Variants in RYR2 observed in about 807,000 individuals in gnomAD.
RYR2 encodes ryanodine receptor 2, also known as cardiac muscle ryanodine receptor-calcium release channel.
Under a neutral mutation model 601.1 loss-of-function variants are expected in RYR2, and 227 were observed. The observed-to-expected ratio is 0.38, with a 90% confidence interval of 0.34 to 0.42. RYR2 has a LOEUF of 0.42. Among genes scored for constraint, RYR2 ranks in the 10% least tolerant of loss-of-function variants. The pLI is 1.00. For synonymous variants in RYR2, 2,223 were observed against 2,175.1 expected (o/e 1.02, Z -0.61); for missense variants, 4,646 against 6,156.5 (o/e 0.75, Z 8.21).
chr1:237,375,546 T>TA (rs1441915464), intron 7 of RYR2, among the ~76,000 whole-genome samples: 3 of 152,154 alleles, frequency 2.0e-5, no homozygotes, highest in African/African-American at 7.2e-5. Flanking sequence ...CTCCCCCTCT[T>TA]AAAAGTATTT....
intron 49 of RYR2, 44 bp downstream of exon 49, chr1:237,648,657 T>C: frequency 3.8e-6 from 6 of 1,572,582 alleles, no homozygotes; most frequent in Non-Finnish European, 5.2e-6. Flanking sequence ...GACTCTTCAC[T>C]CTGTGCCTTA....
At chr1:237,404,408 T>C (rs998132287) in intron 10 of RYR2, among the ~76,000 whole-genome samples, 1 of 152,200 alleles carries the variant, frequency 6.6e-6, no homozygotes, top group Non-Finnish European at 1.5e-5. Flanking sequence ...AGAATACATA[T>C]TGTAATCTGT....
At chr1:237,788,229 C>A in intron 92 of RYR2, 94 bp downstream of exon 92, 2 of 960,946 alleles carry the variant, frequency 2.1e-6, no homozygotes, top group Non-Finnish European at 3.1e-6. Context: ...CCCTGAGTGG[C>A]AGTTAGGGAA....
intron 1 of RYR2, among the ~76,000 whole-genome samples, chr1:237,238,655 A>G (rs1685838828): frequency 6.6e-6 from 1 of 152,178 alleles, no homozygotes; most frequent in Non-Finnish European, 1.5e-5. Flanking sequence ...TGAGGACTGT[A>G]GCACCGTCAG....
At chr1:237,166,337 G>A (rs1430442071) in intron 1 of RYR2, among the ~76,000 whole-genome samples, 19 of 152,222 alleles carry the variant, frequency 1.2e-4, no homozygotes. Flanking sequence ...GCATGAGTGT[G>A]TTGGGAGCAG....
chr1:237,109,991 A>G (rs1006629988), intron 1 of RYR2, among the ~76,000 whole-genome samples: 2 of 151,956 alleles, frequency 1.3e-5, no homozygotes, highest in Non-Finnish European at 2.9e-5. Flanking sequence ...TGTACCCCCT[A>G]TGCTAAGCTG....
rs1479701599 is a variant in RYR2, at chr1:237,730,342, A to G, written c.10921A>G (p.Ile3641Val). 6.4e-7 allele frequency: 1 copy of G among 1,573,498 alleles called. No individual in the cohort carries two copies. The highest frequency in any genetic ancestry group is 1.1e-5 in the South Asian group (1 of 90,260). The change falls in exon 77 of 105, where the codon ATA (isoleucine) becomes GTA (valine). Residue 3641 changes from isoleucine (I) to valine (V), a missense_variant. Physicochemically the swap from Ile to Val is conservative, Grantham distance 29 (BLOSUM62 3). Transcript: ENST00000366574. ...TEEHYFEDKL[I>V]EDLAKPGAEP... ...AGAACATTACTTTGAAGATAAACTG[A>G]TAGAAGATTTAGCAGTATGTTTTTA...
chr1:237,602,585 G>A (rs2148514214), intron 35 of RYR2, among the ~76,000 whole-genome samples: 1 of 152,322 alleles, frequency 6.6e-6, no homozygotes, highest in South Asian at 2.1e-4. Flanking sequence ...CGTTTATTAG[G>A]AGAGGTCATT....
At chr1:237,150,377 T>C (rs1391939137) in intron 1 of RYR2, among the ~76,000 whole-genome samples, 1 of 152,220 alleles carries the variant, frequency 6.6e-6, no homozygotes, top group East Asian at 1.9e-4. Context: ...ATATCATTGA[T>C]GGGATGAATT....
chr1:237,548,290 G>A, intron 25 of RYR2, 141 bp from the exon 26 acceptor site: 1 of 747,564 alleles, frequency 1.3e-6, no homozygotes. Context: ...AGGAACCTAG[G>A]CTTGCTGTCT....
At chr1:237,519,843 G>A (rs1048975560) in intron 24 of RYR2, among the ~76,000 whole-genome samples, 2 of 152,052 alleles carry the variant, frequency 1.3e-5, no homozygotes, top group African/African-American at 4.8e-5. Context: ...GATATGAGTT[G>A]CATTGAATTT....
intron 12 of RYR2, among the ~76,000 whole-genome samples, chr1:237,433,081 G>A (rs960359046): frequency 6.6e-6 from 1 of 151,724 alleles, no homozygotes; most frequent in Non-Finnish European, 1.5e-5. Context: ...TGTGATTCTT[G>A]TGTAATATTT....
intron 1 of RYR2, among the ~76,000 whole-genome samples, chr1:237,251,908 T>G (rs1007300008): frequency 6.6e-6 from 1 of 152,178 alleles, no homozygotes; most frequent in Admixed American, 6.5e-5. Context: ...TAAACCCTTC[T>G]AATTATTCTT....
At chr1:237,547,493 G>A (rs566655845) in intron 25 of RYR2, among the ~76,000 whole-genome samples, 2 of 152,206 alleles carry the variant, frequency 1.3e-5, no homozygotes, top group South Asian at 2.1e-4. Context: ...ACTGTTTTAA[G>A]GATAATGGCA....
intron 46 of RYR2, among the ~76,000 whole-genome samples, chr1:237,640,037 C>G (rs1396241537): frequency 6.6e-6 from 1 of 151,098 alleles, no homozygotes; most frequent in African/African-American, 2.4e-5. Context: ...ACACACCATG[C>G]TACATGCTTA....
chr1:237,487,833 G>A (rs574091740), intron 17 of RYR2, among the ~76,000 whole-genome samples: 7 of 151,594 alleles, frequency 4.6e-5, no homozygotes, highest in Admixed American at 2.0e-4. Context: ...AAAATAAAAC[G>A]TGTTTTCTCT....
chr1:237,820,734 G>T (rs1002181429), intron 101 of RYR2, among the ~76,000 whole-genome samples: 3 of 152,140 alleles, frequency 2.0e-5, no homozygotes, highest in Non-Finnish European at 2.9e-5. Flanking sequence ...GGCTTGGCGG[G>T]TCCCACCCCC....
chr1:237,263,616 A>G (rs1231602554), intron 1 of RYR2, among the ~76,000 whole-genome samples: 2 of 152,202 alleles, frequency 1.3e-5, no homozygotes, highest in African/African-American at 4.8e-5. Context: ...TGAGTGCTTC[A>G]AGATGTTTGT....
chr1:237,364,512 A>G, intron 5 of RYR2, 140 bp downstream of exon 5: 1 of 384,408 alleles, frequency 2.6e-6, no homozygotes, highest in Non-Finnish European at 4.7e-6. Context: ...TATCAGCTAT[A>G]TATATGTGGT....
Sources: allele counts gnomAD v4.1 joint callset (sites outside exome capture counted in the v4.1 genomes callset), GRCh38; gene constraint gnomAD v4.1.1; transcripts MANE v1.5; gene names NCBI Gene and HGNC (gene_info 2026-07-23, HGNC 2026-07-21).